PCDHGB5: variants seen among roughly 807,000 people sequenced by gnomAD.
PCDHGB5 encodes protocadherin gamma subfamily B, 5.
In PCDHGB5, 48 loss-of-function variants were observed where a neutral mutation model predicts 62.9. The ratio of observed to expected loss-of-function variants is 0.76; its 90% CI spans 0.61 to 0.97. The LOEUF (loss-of-function observed/expected upper bound fraction) is 0.97, where lower values mean the gene tolerates loss of function less well. Among genes scored for constraint, PCDHGB5 ranks in the 50% least tolerant of loss-of-function variants. PCDHGB5 has a pLI of 0.00. For missense variants in PCDHGB5, 1,118 were observed against 1,198.6 expected (o/e 0.93, Z 0.99); for synonymous variants, 474 against 511.2 (o/e 0.93, Z 0.98).
intron 1 of PCDHGB5, among the ~76,000 whole-genome samples, chr5:141,400,971 C>T (rs1161811260): frequency 6.6e-6 from 1 of 152,138 alleles, no homozygotes; most frequent in African/African-American, 2.4e-5. Flanking sequence ...TCATCTCTTT[C>T]TTATGTTCCT....
chr5:141,418,273 A>C, intron 1 of PCDHGB5: 1 of 1,614,082 alleles, frequency 6.2e-7, no homozygotes, highest in South Asian at 1.1e-5. Context: ...AAGATGAAAT[A>C]AACTTAGAAA....
intron 1 of PCDHGB5, among the ~76,000 whole-genome samples, chr5:141,450,823 A>ATTT: frequency 7.5e-6 from 1 of 133,136 alleles, no homozygotes; most frequent in African/African-American, 2.9e-5. Flanking sequence ...TAATATTATT[A>ATTT]TTATTATTTT....
At chr5:141,412,815 A>G (rs2095578958) in intron 1 of PCDHGB5, among the ~76,000 whole-genome samples, 1 of 152,328 alleles carries the variant, frequency 6.6e-6, no homozygotes, top group Non-Finnish European at 1.5e-5. Flanking sequence ...AGAAACCTAC[A>G]TATAGTAAAT....
rs1596285501 is a variant in PCDHGB5, at chr5:141,510,367, C to A, written c.2546-580C>A. Among the ~76,000 whole-genome samples the A allele has an allele frequency of 5.0e-5, 7 of 140,362 alleles. 1 individual carries two copies. In the South Asian group the frequency reaches 1.6e-3, roughly 31 times the overall value. The allele number at this position is 140,362 out of a possible 152,430, so 92.1% of individuals were successfully genotyped here. A position where few individuals can be genotyped will look rare whatever the true frequency, so the allele number is the denominator to read the frequency against. On this transcript the variant is annotated intron_variant, in intron 3 of 3. Transcript: ENST00000617380. ...ACACTTACTAACGGAACTACCGAAT[C>A]TCTACTCGTGCCAGGCCTTGCTTGG...
rs774505854 is a variant in PCDHGB5 at position 141,490,507 on chromosome 5, G to A, written c.2398-4300G>A. The A allele has an allele frequency of 5.6e-6, 9 of 1,613,898 alleles. No individual in the cohort carries two copies. The highest frequency in any genetic ancestry group is 4.0e-5 in the African/African-American group (3 of 74,868). ...GGAGGCCACATCCCACTATATCATC[G>A]AGCTGCTGGCCAGCGATGCTGGTTC... On this transcript the variant is annotated intron_variant, in intron 1 of 3. Transcript: ENST00000617380. This position sits in a 1 kb window ranked among gnomAD's most constrained non-coding sequence, Gnocchi z 5.4.
intron 1 of PCDHGB5, chr5:141,413,448 G>A (rs781717265): frequency 3.1e-6 from 5 of 1,614,122 alleles, no homozygotes; most frequent in Non-Finnish European, 4.2e-6. Context: ...TGATCACCGC[G>A]GGCAGGATAG....
chr5:141,419,617 C>T (rs780077182), intron 1 of PCDHGB5: 2 of 1,612,280 alleles, frequency 1.2e-6, no homozygotes, highest in South Asian at 2.2e-5. Flanking sequence ...AGCCAGGCTA[C>T]CTGGTGACCA....
rs1347087103 is a variant in PCDHGB5 at position 141,409,851 on chromosome 5, T to C, written c.2397+9327T>C. 4 of 1,612,112 alleles carry C rather than the reference T, an allele frequency of 2.5e-6. No homozygotes were observed. In the Admixed American group the frequency reaches 6.7e-5, roughly 27 times the overall value. On this transcript the variant is annotated intron_variant, in intron 1 of 3. Transcript: ENST00000617380. ...CTCAGCGCCAACGTGAGCCTGCGCG[T>C]GTTGGTGGGAGACCGCAATGACAAC...
At chr5:141,413,597 A>C in intron 1 of PCDHGB5, 2 of 1,613,888 alleles carry the variant, frequency 1.2e-6, no homozygotes, top group Non-Finnish European at 8.5e-7. Context: ...CAAGCAGAAA[A>C]TCTAGACGTA....
chr5:141,488,633 A>G (rs2099677537), intron 1 of PCDHGB5, among the ~76,000 whole-genome samples: 1 of 152,174 alleles, frequency 6.6e-6, no homozygotes, highest in South Asian at 2.1e-4. Context: ...TCACCTTAGC[A>G]GCATTCAGCA....
In PCDHGB5 at chr5:141,485,066, G is replaced by A. The variant is rs907517904; in HGVS notation, c.2398-9741G>A. On this transcript the variant is annotated intron_variant, in intron 1 of 3. Coordinates refer to ENST00000617380, the MANE Select transcript of PCDHGB5 (RefSeq NM_018925.3). This position sits in a 1 kb window ranked among gnomAD's most constrained non-coding sequence, Gnocchi z 5.7. Reference sequence around the variant, plus strand: ...GCGGCGCCGGCCGAACCGCGCCAGAGCTGGCGCGGGGAAAGGGAGATAGGT... The same window carrying A: ...GCGGCGCCGGCCGAACCGCGCCAGAACTGGCGCGGGGAAAGGGAGATAGGT... 1 of 885,622 alleles carries A rather than the reference G, an allele frequency of 1.1e-6. No individual in the cohort carries two copies. Among genetic ancestry groups the A allele is most frequent in the Non-Finnish European group, 1.8e-6 (1 of 559,820 alleles). 54.9% of individuals were successfully genotyped at this position (885,622 alleles called of 1,614,324 possible).
chr5:141,470,037 G>A lies in PCDHGB5; in HGVS notation c.2398-24770G>A, dbSNP rs76537989. Among the ~76,000 whole-genome samples the A allele has an allele frequency of 2.3e-3, 347 of 152,258 alleles. 6 individuals are homozygous for A. The East Asian group carries it at 0.048, about 21-fold the overall frequency. On this transcript the variant is annotated intron_variant, in intron 1 of 3. Transcript: ENST00000617380. ...CCAGCTACTCGGGATGCTGAGGCGC[G>A]AGAACTGTTTGAACCCCGGAGGCAG...
chr5:141,403,611 C>T lies in PCDHGB5; in HGVS notation c.2397+3087C>T. ...CTCACGGCCTCGGATGGCGGCGAGCCGCGTCGCTCCAGCACAGTGCGCATC... is the reference window on the plus strand; with the variant it reads ...CTCACGGCCTCGGATGGCGGCGAGCTGCGTCGCTCCAGCACAGTGCGCATC... On this transcript the variant is annotated intron_variant, in intron 1 of 3. Transcript: ENST00000617380. 6.2e-7 allele frequency: 1 copy of T among 1,613,860 alleles called. No homozygotes were observed.
intron 1 of PCDHGB5, chr5:141,427,726 T>C: frequency 8.7e-7 from 1 of 1,155,152 alleles, no homozygotes; most frequent in Non-Finnish European, 1.3e-6. Context: ...GACCTAGGGC[T>C]GAATGGCCAA....
chr5:141,438,591 CATATATATATATATAT>C (rs946798767), intron 1 of PCDHGB5, among the ~76,000 whole-genome samples: 4 of 75,562 alleles, frequency 5.3e-5, no homozygotes, highest in East Asian at 3.5e-4. Context: ...TACATACATA[CATATATATATATATAT>C]ATATATATAT....
Position 141,493,858 on chromosome 5 carries a change from C to A in PCDHGB5, c.2398-949C>A, listed in dbSNP as rs2099750481. Among the ~76,000 whole-genome samples, 1 of 152,184 alleles carries A rather than the reference C, an allele frequency of 6.6e-6. No homozygotes were observed. The highest frequency in any genetic ancestry group is 1.5e-5 in the Non-Finnish European group (1 of 68,030). On this transcript the variant is annotated intron_variant, in intron 1 of 3. Transcript: ENST00000617380. The surrounding 1 kb of genome is among the most constrained non-coding windows in gnomAD (Gnocchi z 4.3). ...AGTATGAGTATTAATTACCAGCCCA[C>A]CCCAGAACCAGTGAGGAGGTGGCTC...
chr5:141,477,344 A>C lies in PCDHGB5; in HGVS notation c.2398-17463A>C. On this transcript the variant is annotated intron_variant, in intron 1 of 3. Coordinates refer to ENST00000617380, the MANE Select transcript of PCDHGB5 (RefSeq NM_018925.3). The surrounding 1 kb of genome is among the most constrained non-coding windows in gnomAD (Gnocchi z 4.9). Reference sequence around the variant, plus strand: ...TTCCCTCAAGAATTACTTCACTTTGAAAACCAGTGCAGACCTGGATCGGGA... The same window carrying C: ...TTCCCTCAAGAATTACTTCACTTTGCAAACCAGTGCAGACCTGGATCGGGA... 6.2e-7 allele frequency: 1 copy of C among 1,614,154 alleles called. No homozygotes were observed. The highest frequency in any genetic ancestry group is 8.5e-7 in the Non-Finnish European group (1 of 1,180,034).
chr5:141,477,157 C>G lies in PCDHGB5; in HGVS notation c.2398-17650C>G. ...TGGTGGAGGTTGTGGATGTGAATGA[C>G]AACGCCCCGGAGATCACAGTCACCT... is the stretch of plus-strand genomic sequence containing the variant. On this transcript the variant is annotated intron_variant, in intron 1 of 3. Transcript: ENST00000617380. This position sits in a 1 kb window ranked among gnomAD's most constrained non-coding sequence, Gnocchi z 4.9. 1 of 1,614,182 alleles carries G rather than the reference C, an allele frequency of 6.2e-7. No individual in the cohort carries two copies. Among genetic ancestry groups the G allele is most frequent in the Non-Finnish European group, 8.5e-7 (1 of 1,180,038 alleles).
chr5:141,433,262 T>A, intron 1 of PCDHGB5: 1 of 1,339,436 alleles, frequency 7.5e-7, no homozygotes, highest in Non-Finnish European at 1.0e-6. Flanking sequence ...GGTACGATCA[T>A]AGCTCACTGC....
Sources: gnomAD v4.1 joint callset for allele counts (sites outside exome capture counted in the v4.1 genomes callset) on GRCh38, gnomAD v4.1.1 for gene constraint, Gnocchi (gnomAD v3.1) non-coding constraint, MANE v1.5 for transcripts, NCBI Gene and HGNC (gene_info 2026-07-23, HGNC 2026-07-21) for gene names.